CPXM2: variants seen among roughly 807,000 people sequenced by gnomAD.
CPXM2 encodes the protein inactive carboxypeptidase-like protein X2.
CPXM2 carries 66 observed loss-of-function variants against 86.1 expected under a neutral mutation model. That is an observed-to-expected ratio of 0.77 (90% confidence interval 0.63 to 0.94). The LOEUF (loss-of-function observed/expected upper bound fraction) is 0.94, where lower values mean the gene tolerates loss of function less well. Among genes scored for constraint, CPXM2 ranks in the 40% least tolerant of loss-of-function variants. The probability of loss-of-function intolerance (pLI) is 0.00; values close to 1 mark genes in which losing one functional copy is unlikely to be tolerated. For missense variants in CPXM2, 948 were observed against 1,026.3 expected (o/e 0.92, Z 1.04); for synonymous variants, 388 against 400.2 (o/e 0.97, Z 0.36).
rs530818053 is a variant in CPXM2 at position 123,886,236 on chromosome 10, C to T, written c.304+5120G>A. Among the ~76,000 whole-genome samples the T allele has an allele frequency of 5.3e-5, 8 of 152,232 alleles. No homozygotes were observed. In the East Asian group the frequency reaches 9.6e-4, roughly 18 times the overall value. On this transcript the variant is annotated intron_variant, in intron 1 of 13. Transcript: ENST00000241305. ...AGGTATGCTAATAGCATTGTGATTG[C>T]TTTTTAAAGTACTTATTGAAATATT...
chr10:123,892,190 T>C (rs1046963184), upstream of CPXM2, among the ~76,000 whole-genome samples: 3 of 152,144 alleles, frequency 2.0e-5, no homozygotes, highest in Non-Finnish European at 2.9e-5. Context: ...CCGTGCCCCG[T>C]GTGCTGACCA....
At chr10:123,896,355 A>G (rs890403334), upstream of CPXM2, among the ~76,000 whole-genome samples, 6 of 152,218 alleles carry the variant, frequency 3.9e-5, no homozygotes, top group Non-Finnish European at 8.8e-5. Context: ...GCACAGGGAG[A>G]GAGATACTAA....
intron 3 of CPXM2, among the ~76,000 whole-genome samples, chr10:123,852,170 G>C (rs1848614497): frequency 6.6e-6 from 1 of 152,074 alleles, no homozygotes; most frequent in Non-Finnish European, 1.5e-5. Context: ...ACTTTGTCAT[G>C]GCAGTCCCAG....
intron 3 of CPXM2, among the ~76,000 whole-genome samples, chr10:123,861,849 G>A (rs1848854736): frequency 6.6e-6 from 1 of 152,228 alleles, no homozygotes; most frequent in African/African-American, 2.4e-5. Flanking sequence ...GTGGGAAGAG[G>A]CTACGTTTGT....
At chr10:123,772,031 ACTATCACCTCTCTGGTTGTGG>A (rs1846646651) in intron 7 of CPXM2, among the ~76,000 whole-genome samples, 1 of 152,172 alleles carries the variant, frequency 6.6e-6, no homozygotes, top group African/African-American at 2.4e-5. Flanking sequence ...CTTAGTTGTG[ACTATCACCTCTCTGGTTGTGG>A]CTATCACATA....
chr10:123,801,959 T>C (rs74162939), intron 4 of CPXM2, among the ~76,000 whole-genome samples: 2,541 of 152,318 alleles, frequency 0.017, 65 homozygotes, highest in African/African-American at 0.058. Context: ...CATAGTTTAA[T>C]TCAGTTTGTA....
In CPXM2 at chr10:123,930,003, C is replaced by T. The variant is rs187746161; in HGVS notation, n.174+9474G>A. Among the ~76,000 whole-genome samples the T allele has an allele frequency of 2.7e-3, 412 of 152,302 alleles. 4 individuals are homozygous for T. The highest frequency in any genetic ancestry group is 9.6e-3 in the African/African-American group (400 of 41,564). On this transcript the variant is annotated intron_variant and non_coding_transcript_variant, in intron 2 of 19. Coordinates refer to the CPXM2 transcript ENST00000368854. ...TCCCCTCCCAGGCATCTGCTGTGGG[C>T]GTGGCTGCCCAGCCCGTCCTGGGCC...
intron 2 of CPXM2, among the ~76,000 whole-genome samples, chr10:123,868,027 G>A (rs1241401268): frequency 2.6e-5 from 4 of 152,232 alleles, no homozygotes; most frequent in African/African-American, 9.6e-5. Context: ...CCTGCAGAAT[G>A]GTCTGGAGGC....
At chr10:123,888,931 C>A (rs1405950483) in intron 1 of CPXM2, among the ~76,000 whole-genome samples, 3 of 152,172 alleles carry the variant, frequency 2.0e-5, no homozygotes, top group Non-Finnish European at 4.4e-5. Flanking sequence ...GATGCCAGGG[C>A]TGCGGTGAAC....
In CPXM2 at chr10:123,886,631, A is replaced by C. The variant is rs940571833; in HGVS notation, c.304+4725T>G. 2.6e-5 allele frequency among the ~76,000 whole-genome samples: 4 copies of C among 152,142 alleles called. No homozygotes were observed. The East Asian group carries it at 7.7e-4, about 29-fold the overall frequency. ...CACATTCAAACAGCGGTGCATTCTC[A>C]CCAGCACAGGAAGAAAGTTATGAAC... On this transcript the variant is annotated intron_variant, in intron 1 of 13. Coordinates refer to ENST00000241305, the MANE Select transcript of CPXM2 (RefSeq NM_198148.3).
intron 2 of CPXM2, among the ~76,000 whole-genome samples, chr10:123,926,641 G>GA (rs1185065643): frequency 3.9e-5 from 6 of 152,322 alleles, no homozygotes; most frequent in African/African-American, 1.4e-4. Context: ...GATACATCCA[G>GA]AAAATCTGTC....
At chr10:123,915,285 C>T (rs1289816338) in intron 2 of CPXM2, among the ~76,000 whole-genome samples, 5 of 152,184 alleles carry the variant, frequency 3.3e-5, no homozygotes, top group Non-Finnish European at 5.9e-5. Context: ...AGGCCGGGTG[C>T]GGTGGCTCAT....
intron 2 of CPXM2, among the ~76,000 whole-genome samples, chr10:123,875,052 C>A (rs547758441): frequency 7.9e-5 from 12 of 152,240 alleles, no homozygotes; most frequent in African/African-American, 1.9e-4. Context: ...ATGTAGTGTT[C>A]AAAAACACAC....
rs1564815470 is a variant in CPXM2 at position 123,891,545 on chromosome 10, C to T, written c.115G>A (p.Glu39Lys). 4 of 1,548,496 alleles carry T rather than the reference C, an allele frequency of 2.6e-6. No homozygotes were observed. The highest frequency in any genetic ancestry group is 3.5e-6 in the Non-Finnish European group (4 of 1,145,682). Residue 39 changes from glutamate to lysine, a missense_variant, in exon 1 of 14, where the codon GAG becomes AAG. Glu to Lys is a moderately conservative substitution (Grantham distance 56, BLOSUM62 1). Coordinates refer to ENST00000241305, the MANE Select transcript of CPXM2 (RefSeq NM_198148.3). This position sits in a 1 kb window ranked among gnomAD's most constrained non-coding sequence, Gnocchi z 5.6. ...ALEDPDYYGQ[E>K]IWSREPYYAR... Reference sequence around the variant, plus strand: ...TAGTAGGGCTCCCGGCTCCAGATCTCCTGCCCGTAATAATCAGGGTCCTCG... The same window carrying T: ...TAGTAGGGCTCCCGGCTCCAGATCTTCTGCCCGTAATAATCAGGGTCCTCG...
intron 4 of CPXM2, among the ~76,000 whole-genome samples, chr10:123,814,309 T>C (rs999009443): frequency 6.6e-6 from 1 of 152,154 alleles, no homozygotes; most frequent in Non-Finnish European, 1.5e-5. Context: ...CAGAAAAATG[T>C]GAAAAGACCA....
intron 2 of CPXM2, among the ~76,000 whole-genome samples, chr10:123,925,368 T>C (rs1272720673): frequency 7.2e-6 from 1 of 138,308 alleles, no homozygotes; most frequent in East Asian, 2.1e-4. Flanking sequence ...CACACACTTA[T>C]TAATTTTGTT....
Position 123,865,813 on chromosome 10 carries a change from A to C in CPXM2, c.404-3090T>G, listed in dbSNP as rs186397324. 6.6e-6 allele frequency among the ~76,000 whole-genome samples: 1 copy of C among 152,140 alleles called. No homozygotes were observed. Among genetic ancestry groups the C allele is most frequent in the African/African-American group, 2.4e-5 (1 of 41,498 alleles). ...TCTTCCAACTGCCTCCTCCTGGCCA[A>C]CCCCAGGAGGGGCAACACCTCCATC... On this transcript the variant is annotated intron_variant, in intron 2 of 13. Transcript: ENST00000241305. This position sits in a 1 kb window ranked among gnomAD's most constrained non-coding sequence, Gnocchi z 4.7.
chr10:123,761,800 G>T, intron 11 of CPXM2, 72 bp downstream of exon 11: 1 of 1,458,262 alleles, frequency 6.9e-7, no homozygotes. Context: ...AGTGACACCA[G>T]GAGGGCCAGG....
intron 2 of CPXM2, among the ~76,000 whole-genome samples, chr10:123,900,020 A>T (rs1029835778): frequency 6.6e-6 from 1 of 152,236 alleles, no homozygotes; most frequent in Non-Finnish European, 1.5e-5. Flanking sequence ...ACATATTGGG[A>T]GACAATACCT....
Sources: gnomAD v4.1 joint callset for allele counts (sites outside exome capture counted in the v4.1 genomes callset) on GRCh38, gnomAD v4.1.1 for gene constraint, Gnocchi (gnomAD v3.1) non-coding constraint, MANE v1.5 for transcripts, NCBI Gene and HGNC (gene_info 2026-07-23, HGNC 2026-07-21) for gene names.